AVEN: variants seen among roughly 807,000 people sequenced by gnomAD.
The protein encoded by AVEN is apoptosis and caspase activation inhibitor.
AVEN carries 41 observed loss-of-function variants against 38.1 expected under a neutral mutation model. The ratio of observed to expected loss-of-function variants is 1.08; its 90% confidence interval spans 0.84 to 1.40. AVEN has a LOEUF of 1.40. Among genes scored for constraint, AVEN ranks in the 40% most tolerant of loss-of-function variants. The pLI, the probability that AVEN is intolerant of heterozygous loss-of-function variation, is 0.00. For synonymous variants in AVEN, 206 were observed against 171.8 expected (o/e 1.20, Z -1.56); for missense variants, 605 against 438.8 (o/e 1.38, Z -3.38).
At chr15:34,019,225 G>A (rs1267225484) in intron 1 of AVEN, among the ~76,000 whole-genome samples, 1 of 152,144 alleles carries the variant, frequency 6.6e-6, no homozygotes, top group Non-Finnish European at 1.5e-5. Flanking sequence ...CTAGGCTAAT[G>A]GATGTAATTG....
rs1036791019 is a variant in AVEN, at chr15:34,069,257, T to C, written n.784+1331A>G. ...CAACATGGTGAAACCCTGTCTCTAC[T>C]AAAAATACAAAAATTAGCCAGGCAT... On this transcript the variant is annotated intron_variant and non_coding_transcript_variant, in intron 2 of 11. Transcript: ENST00000675287. Among the ~76,000 whole-genome samples, 18 of 152,048 alleles carry C rather than the reference T, an allele frequency of 1.2e-4. No homozygotes were observed. In the East Asian group the frequency reaches 2.0e-3, roughly 17 times the overall value.
At chr15:33,926,979 A>G (rs1007832616) in intron 2 of AVEN, among the ~76,000 whole-genome samples, 1 of 152,088 alleles carries the variant, frequency 6.6e-6, no homozygotes. Context: ...AATAATTTTA[A>G]AAAGAAAATA....
chr15:33,949,704 T>C (rs962696103), intron 2 of AVEN, among the ~76,000 whole-genome samples: 1 of 152,170 alleles, frequency 6.6e-6, no homozygotes, highest in African/African-American at 2.4e-5. Flanking sequence ...AATTATACTC[T>C]TAAAATGAGT....
At chr15:33,889,633 T>G (rs1891850978) in intron 2 of AVEN, among the ~76,000 whole-genome samples, 1 of 152,250 alleles carries the variant, frequency 6.6e-6, no homozygotes, top group Admixed American at 6.5e-5. Context: ...TCTCATCTCA[T>G]TAGGTTTTCT....
At chr15:33,979,495 A>G (rs1479154691) in intron 2 of AVEN, among the ~76,000 whole-genome samples, 1 of 152,232 alleles carries the variant, frequency 6.6e-6, no homozygotes, top group Non-Finnish European at 1.5e-5. Context: ...AAAAACAAGC[A>G]AGCAAATAAA....
At chr15:33,861,003 G>C (rs1026382347) in intron 11 of AVEN, 14 of 1,145,750 alleles carry the variant, frequency 1.2e-5, no homozygotes, top group Admixed American at 4.0e-5. Flanking sequence ...CCTTCAATTC[G>C]ATAGAATCAT....
At chr15:33,881,115 G>A (rs550809456) in intron 2 of AVEN, among the ~76,000 whole-genome samples, 84 of 152,106 alleles carry the variant, frequency 5.5e-4, no homozygotes, top group Admixed American at 2.4e-3. Flanking sequence ...TGGAGATTGG[G>A]TCTCACTCTG....
chr15:34,071,617 G>C (rs1276494998), intron 1 of AVEN, among the ~76,000 whole-genome samples: 27 of 152,198 alleles, frequency 1.8e-4, no homozygotes, highest in Non-Finnish European at 7.4e-5. Flanking sequence ...CCAAAGACAG[G>C]TTTATAGTCC....
intron 1 of AVEN, among the ~76,000 whole-genome samples, chr15:34,032,489 G>A (rs1023247428): frequency 6.6e-6 from 1 of 152,074 alleles, no homozygotes; most frequent in Non-Finnish European, 1.5e-5. Context: ...GACAAAACCT[G>A]GAAACCATAT....
chr15:33,882,577 A>G (rs1416208430), intron 2 of AVEN, among the ~76,000 whole-genome samples: 1 of 148,428 alleles, frequency 6.7e-6, no homozygotes, highest in African/African-American at 2.5e-5. Flanking sequence ...AAAAAAATAG[A>G]AATAAGGCTG....
intron 2 of AVEN, among the ~76,000 whole-genome samples, chr15:33,891,208 T>TTTATA (rs778775401): frequency 0.033 from 4,969 of 152,272 alleles, 161 homozygotes; most frequent in Non-Finnish European, 0.039. Context: ...GAAATTTTGT[T>TTTATA]TTATATTGTA....
intron 2 of AVEN, chr15:33,991,258 C>A (rs966846828): frequency 6.6e-6 from 1 of 152,146 alleles, no homozygotes; most frequent in Non-Finnish European, 1.5e-5. Context: ...TATAAAAATA[C>A]AGACCTTCTA....
downstream of AVEN, chr15:33,865,950 T>C (rs946348627): frequency 2.0e-5 from 3 of 152,780 alleles, no homozygotes; most frequent in Non-Finnish European, 4.4e-5. Flanking sequence ...AGAAGAAAAG[T>C]ACTGTACTGA....
intron 1 of AVEN, among the ~76,000 whole-genome samples, chr15:34,030,651 AAG>A (rs1898744731): frequency 6.6e-6 from 1 of 151,314 alleles, no homozygotes; most frequent in Non-Finnish European, 1.5e-5. Flanking sequence ...TTTGTTGAGA[AAG>A]AGTCTCGGGC....
intron 5 of AVEN, among the ~76,000 whole-genome samples, chr15:34,045,087 G>T (rs1899637115): frequency 6.6e-6 from 1 of 152,110 alleles, no homozygotes; most frequent in Non-Finnish European, 1.5e-5. Context: ...GTAATTTAAT[G>T]ACCTCAGTAA....
chr15:33,983,194 G>C (rs12910307), intron 2 of AVEN, among the ~76,000 whole-genome samples: 2 of 55,708 alleles, frequency 3.6e-5, no homozygotes, highest in African/African-American at 3.5e-4. Context: ...GTGTGTGTAT[G>C]TGTGTGTATA....
At chr15:34,020,108 G>A (rs1414030487) in intron 1 of AVEN, among the ~76,000 whole-genome samples, 5 of 152,174 alleles carry the variant, frequency 3.3e-5, no homozygotes, top group South Asian at 2.1e-4. Flanking sequence ...TCAGGAGATC[G>A]AGACCATCTT....
intron 5 of AVEN, among the ~76,000 whole-genome samples, chr15:33,867,166 C>CAGTCGATTAA (rs1437694743): frequency 6.6e-6 from 1 of 152,194 alleles, no homozygotes; most frequent in Non-Finnish European, 1.5e-5. Context: ...GGTGGCCTGT[C>CAGTCGATTAA]AGTCGATTAA....
At chr15:33,944,238 A>G (rs796813506) in intron 2 of AVEN, among the ~76,000 whole-genome samples, 10 of 152,300 alleles carry the variant, frequency 6.6e-5, no homozygotes, top group African/African-American at 2.4e-4. Context: ...CATTTATGAA[A>G]CAAGCAACTA....
Sources: allele counts gnomAD v4.1 joint callset (sites outside exome capture counted in the v4.1 genomes callset), GRCh38; gene constraint gnomAD v4.1.1; transcripts MANE v1.5; gene names NCBI Gene and HGNC (gene_info 2026-07-23, HGNC 2026-07-21).